EPG5: variants seen among roughly 807,000 people sequenced by gnomAD.
The protein encoded by EPG5 is ectopic P granules protein 5 homolog.
A neutral mutation model predicts 302.7 loss-of-function variants in EPG5; 159 were observed. The ratio of observed to expected loss-of-function variants is 0.53; its 90% confidence interval spans 0.46 to 0.60. The LOEUF is 0.60. Ranked by LOEUF, EPG5 falls within the 20% of genes least tolerant of loss-of-function variation. The pLI, the probability that EPG5 is intolerant of heterozygous loss-of-function variation, is 0.00. For missense variants in EPG5, 2,896 were observed against 3,092.4 expected (o/e 0.94, Z 1.51); for synonymous variants, 1,158 against 1,136.8 (o/e 1.02, Z -0.37).
At chr18:45,917,444 C>T (rs2050058209) in intron 17 of EPG5, among the ~76,000 whole-genome samples, 1 of 152,094 alleles carries the variant, frequency 6.6e-6, no homozygotes, top group Non-Finnish European at 1.5e-5. Flanking sequence ...ATAAGCAATT[C>T]AAAGTTATAA....
the EPG5 span, among the ~76,000 whole-genome samples, chr18:45,828,157 C>T: frequency 5.8e-3 from 888 of 152,312 alleles, 9 homozygotes; most frequent in African/African-American, 0.02. Flanking sequence ...GCTCCACCAC[C>T]GTGTGTGCAC....
In EPG5 at chr18:45,903,186, T is replaced by C. The variant is rs906791071; in HGVS notation, c.4474+787A>G. On this transcript the variant is annotated intron_variant, in intron 25 of 43. Coordinates refer to ENST00000282041, the MANE Select transcript of EPG5 (RefSeq NM_020964.3). ...GTTGTTGGCTTGAGGGCAATTTTCA[T>C]CCCTTTCTCTATATACCTTTCTATA... is the stretch of plus-strand genomic sequence containing the variant. Among the ~76,000 whole-genome samples, 13 of 152,288 alleles carry C rather than the reference T, an allele frequency of 8.5e-5. 1 individual carries two copies. In the South Asian group the frequency reaches 2.7e-3, roughly 32 times the overall value.
rs2051284537 is a variant in EPG5 at position 45,967,165 on chromosome 18, G to A, written c.63+12C>T. 6.3e-7 allele frequency: 1 copy of A among 1,592,902 alleles called. No homozygotes were observed. The highest frequency in any genetic ancestry group is 1.3e-5 in the African/African-American group (1 of 74,536). ...ACTGCCAGAGCCTCGGGAGGGTGGG[G>A]GAGATCCTCACCTTTGTTTTAGTCC... On this transcript the variant is annotated intron_variant, in intron 1 of 43. Coordinates refer to ENST00000282041, the MANE Select transcript of EPG5 (RefSeq NM_020964.3).
At chr18:45,939,555 T>C in intron 10 of EPG5, 45 bp downstream of exon 10, 1 of 1,588,090 alleles carries the variant, frequency 6.3e-7, no homozygotes, top group South Asian at 1.1e-5. Flanking sequence ...TTCTTACTAG[T>C]GAGGAAGTTA....
At chr18:45,879,602 C>T (rs1313567725) in intron 32 of EPG5, among the ~76,000 whole-genome samples, 6 of 152,252 alleles carry the variant, frequency 3.9e-5, no homozygotes. Flanking sequence ...TCCCTGACCT[C>T]AAGTGATCCG....
At chr18:45,811,886 T>C in the EPG5 span, among the ~76,000 whole-genome samples, 1 of 152,262 alleles carries the variant, frequency 6.6e-6, no homozygotes, top group African/African-American at 2.4e-5. Context: ...TCACCACTCC[T>C]ATTCAACATA....
intron 22 of EPG5, among the ~76,000 whole-genome samples, chr18:45,911,462 A>T (rs1215433194): frequency 2.1e-5 from 3 of 143,958 alleles, no homozygotes; most frequent in Non-Finnish European, 4.6e-5. Flanking sequence ...ATTTTTTTGT[A>T]TTTTTTTTTT....
chr18:45,945,982 G>C (rs1191445681), intron 7 of EPG5, among the ~76,000 whole-genome samples: 1 of 152,126 alleles, frequency 6.6e-6, no homozygotes, highest in Non-Finnish European at 1.5e-5. Context: ...ATAATAAATC[G>C]GTCACTGGAC....
chr18:45,912,770 T>C (rs1029109459), intron 21 of EPG5, among the ~76,000 whole-genome samples: 2 of 152,090 alleles, frequency 1.3e-5, no homozygotes, highest in Non-Finnish European at 2.9e-5. Flanking sequence ...AACGTTATAG[T>C]GCAAGGGAAT....
intron 10 of EPG5, among the ~76,000 whole-genome samples, chr18:45,935,483 A>G (rs1029945625): frequency 6.6e-6 from 1 of 152,232 alleles, no homozygotes; most frequent in Non-Finnish European, 1.5e-5. Context: ...TAGAGATTGC[A>G]GTAAGCCAAG....
rs910184323 is a variant in EPG5, at chr18:45,848,977, C to G, written c.*3490G>C. On this transcript the variant is annotated 3_prime_UTR_variant, in exon 44 of 44. Transcript: ENST00000282041. Reference sequence around the variant, plus strand: ...TGGCATGCACCTGTAGTCCTGGCTCCTTGGGAGGCTGAGGCAGAATAGCTT... The same window carrying G: ...TGGCATGCACCTGTAGTCCTGGCTCGTTGGGAGGCTGAGGCAGAATAGCTT... 4.0e-5 allele frequency: 6 copies of G among 151,574 alleles called. No individual in the cohort carries two copies. Among genetic ancestry groups the G allele is most frequent in the African/African-American group, 1.5e-4 (6 of 41,162 alleles). 9.4% of individuals were successfully genotyped at this position (151,574 alleles called of 1,614,324 possible). A position where few individuals can be genotyped will look rare whatever the true frequency, so the allele number is the denominator to read the frequency against.
intron 1 of EPG5, among the ~76,000 whole-genome samples, chr18:45,966,232 C>T (rs1474943486): frequency 1.3e-5 from 2 of 150,596 alleles, no homozygotes; most frequent in African/African-American, 2.4e-5. Context: ...ATTAGCCGGG[C>T]GTGGTGGCAG....
In EPG5 at chr18:45,924,739, T is replaced by C. The variant is rs370477443; in HGVS notation, c.2718+999A>G. Among the ~76,000 whole-genome samples the C allele has an allele frequency of 4.6e-5, 7 of 152,324 alleles. No homozygotes were observed. In the East Asian group the frequency reaches 1.4e-3, roughly 29 times the overall value. ...TGTGGCAAGAATCATCCTAAACATC[T>C]TGTGTTTCCTCATTTGTTTAACCTT... On this transcript the variant is annotated intron_variant, in intron 14 of 43. Transcript: ENST00000282041.
intron 35 of EPG5, among the ~76,000 whole-genome samples, chr18:45,873,029 A>G (rs1388425230): frequency 6.6e-6 from 1 of 152,230 alleles, no homozygotes; most frequent in Non-Finnish European, 1.5e-5. Context: ...AGAAGGAGCT[A>G]GTGGATCAGA....
intron 24 of EPG5, among the ~76,000 whole-genome samples, chr18:45,905,855 A>G (rs1372376833): frequency 6.6e-6 from 1 of 152,244 alleles, no homozygotes; most frequent in African/African-American, 2.4e-5. Context: ...TACCATGTAC[A>G]AAGCCTTGGA....
intron 39 of EPG5, among the ~76,000 whole-genome samples, chr18:45,864,432 C>T (rs1055973233): frequency 6.6e-6 from 1 of 152,194 alleles, no homozygotes; most frequent in Non-Finnish European, 1.5e-5. Flanking sequence ...CATATTTCTA[C>T]AATCCCTTGC....
chr18:45,819,947 A>G, the EPG5 span, among the ~76,000 whole-genome samples: 3 of 152,212 alleles, frequency 2.0e-5, no homozygotes, highest in South Asian at 2.1e-4. Flanking sequence ...TAGCAATACC[A>G]TAAGGAGGCC....
Position 45,928,938 on chromosome 18 carries a change from T to C in EPG5, c.2484A>G (p.Thr828=), listed in dbSNP as rs2050336858. 5 of 1,613,874 alleles carry C rather than the reference T, an allele frequency of 3.1e-6. No individual in the cohort carries two copies. Among genetic ancestry groups the C allele is most frequent in the Admixed American group, 1.7e-5 (1 of 60,000 alleles). Residue 828 remains threonine (T), a synonymous_variant, in exon 13 of 44, where the codon ACA becomes ACG. Transcript: ENST00000282041. ...CGGAAATTATCTCAGGGTGAACAGC[T>C]GTGATAGTCCCTAAAAGCTCTCGAC... ...KVGRELLGTI[T]AVHPEIISVL...
the EPG5 span, among the ~76,000 whole-genome samples, chr18:45,814,678 G>C: frequency 1.3e-5 from 2 of 152,272 alleles, no homozygotes; most frequent in African/African-American, 4.8e-5. Context: ...AGAGTCAGTA[G>C]GCCAAACCCT....
Sources: gnomAD v4.1 joint callset for allele counts (sites outside exome capture counted in the v4.1 genomes callset) on GRCh38, gnomAD v4.1.1 for gene constraint, MANE v1.5 for transcripts, NCBI Gene and HGNC (gene_info 2026-07-23, HGNC 2026-07-21) for gene names.